RBFOX3: variants seen among roughly 807,000 people sequenced by gnomAD.
The protein encoded by RBFOX3 is RNA binding fox-1 homolog 3, also known as RNA binding protein fox-1 homolog 3.
RBFOX3 carries 17 observed loss-of-function variants against 48.7 expected under a neutral mutation model. The ratio of observed to expected loss-of-function variants is 0.35; its 90% confidence interval spans 0.24 to 0.52. RBFOX3 has a LOEUF of 0.52. RBFOX3 is among the 20% of genes least tolerant of loss of function. The probability of loss-of-function intolerance (pLI) is 0.94; values close to 1 mark genes in which losing one functional copy is unlikely to be tolerated. For synonymous variants in RBFOX3, 212 were observed against 209.5 expected, an observed-to-expected ratio of 1.01 and a Z score of -0.10; for missense variants, 382 against 497.5, an observed-to-expected ratio of 0.77 and a Z score of 2.21.
chr17:79,114,370 G>T (rs541183120), intron 5 of RBFOX3, among the ~76,000 whole-genome samples: 2 of 152,270 alleles, frequency 1.3e-5, no homozygotes, highest in East Asian at 3.9e-4. Context: ...TGATGGTCTC[G>T]GGGCAGATTC....
chr17:79,624,962 A>G, the RBFOX3 span, among the ~76,000 whole-genome samples: 1 of 151,986 alleles, frequency 6.6e-6, no homozygotes, highest in Admixed American at 6.6e-5. Context: ...GAGACTGGGG[A>G]AGGCAGCATG....
chr17:79,293,318 T>G (rs1379873221), intron 3 of RBFOX3, among the ~76,000 whole-genome samples: 1 of 151,834 alleles, frequency 6.6e-6, no homozygotes, highest in Non-Finnish European at 1.5e-5. Context: ...CCTTCCTTCC[T>G]TCTTTCCTTC....
At chr17:79,556,768 A>C (rs2091792455) in intron 1 of RBFOX3, among the ~76,000 whole-genome samples, 1 of 152,206 alleles carries the variant, frequency 6.6e-6, no homozygotes, top group African/African-American at 2.4e-5. Context: ...AGATGGCAAA[A>C]TTCCTAGGAA....
In RBFOX3 at chr17:79,605,819, C is replaced by T. The variant is rs1040721748; in HGVS notation, c.-320+5007G>A. On this transcript the variant is annotated intron_variant, in intron 1 of 14. Transcript: ENST00000693108. ...GCTGAGGACCCCCAACTCAAGTTGA[C>T]GCCAGCAAGTTACAACCCACCTCTC... 2.6e-4 allele frequency among the ~76,000 whole-genome samples: 39 copies of T among 152,282 alleles called. No individual in the cohort carries two copies. The East Asian group carries it at 3.9e-3, about 15-fold the overall frequency.
At chr17:79,385,753 G>T (rs1329446312) in intron 2 of RBFOX3, among the ~76,000 whole-genome samples, 1 of 152,120 alleles carries the variant, frequency 6.6e-6, no homozygotes, top group African/African-American at 2.4e-5. Flanking sequence ...TACAGATGGG[G>T]GCTCCATCAC....
intron 2 of RBFOX3, among the ~76,000 whole-genome samples, chr17:79,465,562 T>A (rs1363030653): frequency 5.4e-5 from 8 of 148,786 alleles, no homozygotes; most frequent in African/African-American, 7.7e-5. Flanking sequence ...CACATTTACA[T>A]GCAAGCACAC....
chr17:79,446,955 C>G (rs1218676872), intron 2 of RBFOX3, among the ~76,000 whole-genome samples: 1 of 152,212 alleles, frequency 6.6e-6, no homozygotes, highest in African/African-American at 2.4e-5. Flanking sequence ...TGGGCTAAGC[C>G]CCAGTTTGGA....
chr17:79,358,484 G>T (rs2085651655), intron 2 of RBFOX3, among the ~76,000 whole-genome samples: 1 of 151,940 alleles, frequency 6.6e-6, no homozygotes, highest in African/African-American at 2.4e-5. Context: ...TTTTTGAAAT[G>T]GAGTTCTGCC....
At chr17:79,187,320 G>A (rs374477517) in intron 4 of RBFOX3, among the ~76,000 whole-genome samples, 3 of 152,256 alleles carry the variant, frequency 2.0e-5, no homozygotes, top group Non-Finnish European at 4.4e-5. Context: ...CCTTCCAGGC[G>A]CCCAGGCCGA....
intron 4 of RBFOX3, among the ~76,000 whole-genome samples, chr17:79,143,405 T>G (rs1568217016): frequency 6.8e-6 from 1 of 146,954 alleles, no homozygotes. Flanking sequence ...TAAATCCATC[T>G]CAGGCATTTC....
chr17:79,144,379 C>T (rs1297860647), intron 4 of RBFOX3, among the ~76,000 whole-genome samples: 3 of 152,336 alleles, frequency 2.0e-5, no homozygotes, highest in South Asian at 2.1e-4. Context: ...GAGACGCCTA[C>T]CACAGAGGCG....
the RBFOX3 span, among the ~76,000 whole-genome samples, chr17:79,659,335 T>C: frequency 2.0e-5 from 3 of 152,024 alleles, no homozygotes; most frequent in Non-Finnish European, 2.9e-5. Flanking sequence ...TACCAGAGGG[T>C]ATCTGGGTCA....
intron 1 of RBFOX3, among the ~76,000 whole-genome samples, chr17:79,597,678 G>A (rs971818219): frequency 1.1e-4 from 16 of 152,170 alleles, no homozygotes; most frequent in South Asian, 2.1e-4. Context: ...CTGCATCCAC[G>A]GTCACCTACT....
At chr17:79,399,801 C>A (rs1345013505) in intron 2 of RBFOX3, among the ~76,000 whole-genome samples, 1 of 152,250 alleles carries the variant, frequency 6.6e-6, no homozygotes, top group African/African-American at 2.4e-5. Context: ...CCCTCGGGCG[C>A]TCCCGTCTTC....
intron 2 of RBFOX3, among the ~76,000 whole-genome samples, chr17:79,312,824 C>T (rs1598211235): frequency 6.6e-6 from 1 of 152,182 alleles, no homozygotes; most frequent in Non-Finnish European, 1.5e-5. Context: ...GGAGGGGCAG[C>T]TCTCTGTAGC....
In RBFOX3 at chr17:79,255,042, C is replaced by T. The variant is rs559175223; in HGVS notation, c.-73-19237G>A. 2.0e-5 allele frequency among the ~76,000 whole-genome samples: 3 copies of T among 152,212 alleles called. No individual in the cohort carries two copies. The South Asian group carries it at 6.2e-4, about 32-fold the overall frequency. On this transcript the variant is annotated intron_variant, in intron 3 of 14. Transcript: ENST00000693108. The stretch of plus-strand genomic sequence containing the variant: ...TCCTTGGGACCTTGCTGGCTTCCTG[C>T]CCCCAGGGCCTGTATCTGCTTGGCC...
chr17:79,312,724 C>T (rs533442693), intron 2 of RBFOX3, among the ~76,000 whole-genome samples: 1 of 152,304 alleles, frequency 6.6e-6, no homozygotes, highest in Non-Finnish European at 1.5e-5. Flanking sequence ...TCAGGGGTCT[C>T]TGGAGTTCAT....
upstream of RBFOX3, among the ~76,000 whole-genome samples, chr17:79,614,484 C>CA (rs1186877066): frequency 6.6e-6 from 1 of 151,678 alleles, no homozygotes; most frequent in African/African-American, 2.4e-5. Context: ...TGCAGCCCCC[C>CA]TAAGGTGAGT....
intron 4 of RBFOX3, among the ~76,000 whole-genome samples, chr17:79,228,268 G>A (rs772131156): frequency 9.2e-5 from 14 of 152,188 alleles, no homozygotes; most frequent in East Asian, 1.9e-4. Context: ...GCTCCGGAGC[G>A]GGCGGGGTGG....
Sources: allele counts gnomAD v4.1 joint callset (sites outside exome capture counted in the v4.1 genomes callset), GRCh38; gene constraint gnomAD v4.1.1; transcripts MANE v1.5; gene names NCBI Gene and HGNC (gene_info 2026-07-23, HGNC 2026-07-21).